GRM1: variants seen among roughly 807,000 people sequenced by gnomAD.
GRM1 encodes the protein glutamate metabotropic receptor 1.
GRM1 carries 33 observed loss-of-function variants against 90.9 expected under a neutral mutation model. The observed-to-expected ratio is 0.36, with a 90% CI of 0.28 to 0.49. The LOEUF (loss-of-function observed/expected upper bound fraction) is 0.49. Among genes scored for constraint, GRM1 ranks in the 20% least tolerant of loss-of-function variants. The pLI, the probability that GRM1 is intolerant of heterozygous loss-of-function variation, is 0.99. For synonymous variants in GRM1, 700 were observed against 613.2 expected (o/e 1.14, Z -2.09); for missense variants, 1,190 against 1,534.3 (o/e 0.78, Z 3.75).
rs550841121 is a variant in GRM1 at position 146,082,842 on chromosome 6, A to G, written c.700+52625A>G. ...TACTTCGGGCAGTATGGCCATTTTC[A>G]TGATACTGATTCTTCCTATCCATGA... On this transcript the variant is annotated intron_variant, in intron 1 of 7. Coordinates refer to ENST00000282753, the MANE Select transcript of GRM1 (RefSeq NM_001278064.2). Among the ~76,000 whole-genome samples the G allele has an allele frequency of 2.0e-5, 3 of 152,302 alleles. No homozygotes were observed. The Middle Eastern group carries it at 0.01, about 518-fold the overall frequency.
chr6:146,434,399 G>C lies in GRM1; in HGVS notation c.3188G>C (p.Arg1063Pro), dbSNP rs200986171. The C allele has an allele frequency of 8.1e-5, 131 of 1,613,378 alleles. 1 individual carries two copies. In the East Asian group the frequency reaches 2.4e-3, roughly 30 times the overall value. ...AGPGGPGNGL[R>P]SLYPPPPPPQ... ...CCCGGTGGTCCCGGGAACGGGCTGC[G>C]GTCCCTGTACCCGCCCCCGCCACCT... is the stretch of plus-strand genomic sequence containing the variant. Residue 1063 changes from arginine to proline, a missense_variant, in exon 8 of 8, where the codon CGG becomes CCG. Arg to Pro is a moderately radical substitution (Grantham distance 103). This residue lies in a region of GRM1 where 400 missense variants were observed against 360.8 expected (regional missense o/e 1.11). Coordinates refer to ENST00000282753, the MANE Select transcript of GRM1 (RefSeq NM_001278064.2).
chr6:146,357,588 C>A lies in GRM1; in HGVS notation c.1496C>A (p.Thr499Asn), dbSNP rs1264354703. 4 of 1,613,550 alleles carry A rather than the reference C, an allele frequency of 2.5e-6. No individual in the cohort carries two copies. Among genetic ancestry groups the A allele is most frequent in the Non-Finnish European group, 3.4e-6 (4 of 1,179,486 alleles). Residue 499 changes from threonine (T) to asparagine (N), a missense_variant, in exon 5 of 8, where the codon ACC becomes AAC. Physicochemically the swap from Thr to Asn is moderately conservative, Grantham distance 65. Coordinates refer to ENST00000282753, the MANE Select transcript of GRM1 (RefSeq NM_001278064.2). ...ANRYDYVHVG[T>N]WHEGVLNIDD... is the part of the protein sequence containing the mutation. ...CGCTATGACTATGTGCACGTTGGAACCTGGCATGAAGGAGTGCTGAACATT... is the reference window on the plus strand; with the variant it reads ...CGCTATGACTATGTGCACGTTGGAAACTGGCATGAAGGAGTGCTGAACATT...
chr6:146,276,175 A>G (rs1227257613), intron 2 of GRM1, among the ~76,000 whole-genome samples: 1 of 152,160 alleles, frequency 6.6e-6, no homozygotes, highest in African/African-American at 2.4e-5. Flanking sequence ...TTTTAAGCCC[A>G]TTATTTGTGG....
chr6:146,035,300 G>C (rs1241237429), intron 1 of GRM1, among the ~76,000 whole-genome samples: 1 of 151,966 alleles, frequency 6.6e-6, no homozygotes, highest in East Asian at 1.9e-4. Context: ...AAAGAGTTTT[G>C]GTTTCAAGAA....
chr6:146,261,321 A>G (rs1781687290), intron 2 of GRM1, among the ~76,000 whole-genome samples: 2 of 152,092 alleles, frequency 1.3e-5, no homozygotes, highest in South Asian at 4.1e-4. Flanking sequence ...AATGAGTAGG[A>G]AAGGAGGGTA....
At chr6:146,359,814 G>C (rs980586066) in intron 5 of GRM1, among the ~76,000 whole-genome samples, 6 of 152,158 alleles carry the variant, frequency 3.9e-5, no homozygotes, top group Admixed American at 1.3e-4. Context: ...AGAAGTTGTT[G>C]CTGAGCCATT....
chr6:146,038,263 A>G (rs1790964581), intron 1 of GRM1, among the ~76,000 whole-genome samples: 1 of 151,950 alleles, frequency 6.6e-6, no homozygotes, highest in Non-Finnish European at 1.5e-5. Flanking sequence ...ACAAGTAACT[A>G]GAAGTGGTAT....
intron 1 of GRM1, among the ~76,000 whole-genome samples, chr6:146,103,020 G>A (rs1271466565): frequency 6.6e-6 from 1 of 152,156 alleles, no homozygotes; most frequent in East Asian, 1.9e-4. Flanking sequence ...TCTTGCTGCA[G>A]GGGTTTCTCT....
chr6:146,058,279 GT>G (rs1187642874), intron 1 of GRM1, among the ~76,000 whole-genome samples: 1 of 152,098 alleles, frequency 6.6e-6, no homozygotes, highest in East Asian at 1.9e-4. Context: ...CCTCAGAGAT[GT>G]TTTGGATTCA....
chr6:146,068,569 C>T (rs1482517583), intron 1 of GRM1, among the ~76,000 whole-genome samples: 1 of 152,148 alleles, frequency 6.6e-6, no homozygotes, highest in Non-Finnish European at 1.5e-5. Context: ...TGAGGAGGCT[C>T]CTTAAATTTC....
intron 1 of GRM1, among the ~76,000 whole-genome samples, chr6:146,124,002 A>C (rs1776103031): frequency 6.6e-6 from 1 of 152,230 alleles, no homozygotes; most frequent in Non-Finnish European, 1.5e-5. Flanking sequence ...GAATCAGCAT[A>C]GTCGAGTTTA....
intron 2 of GRM1, among the ~76,000 whole-genome samples, chr6:146,203,569 T>G (rs1779394637): frequency 6.6e-6 from 1 of 152,120 alleles, no homozygotes; most frequent in Non-Finnish European, 1.5e-5. Flanking sequence ...TCAGGGACAG[T>G]TTTATGCTCA....
intron 3 of GRM1, among the ~76,000 whole-genome samples, chr6:146,338,105 G>T (rs1056062103): frequency 3.3e-5 from 5 of 152,190 alleles, no homozygotes; most frequent in African/African-American, 9.7e-5. Context: ...GTTATGCAAT[G>T]CTAGAAATAT....
chr6:146,417,111 T>TCTG (rs1471847624), intron 7 of GRM1, among the ~76,000 whole-genome samples: 1 of 152,314 alleles, frequency 6.6e-6, no homozygotes, highest in East Asian at 1.9e-4. Context: ...GTTAAGACTC[T>TCTG]CTGCCTGGAT....
chr6:146,169,476 C>A (rs949748029), intron 2 of GRM1, among the ~76,000 whole-genome samples: 6 of 152,106 alleles, frequency 3.9e-5, no homozygotes, highest in African/African-American at 1.4e-4. Context: ...AGTCTTTCTC[C>A]CGCCTTAGAT....
intron 7 of GRM1, among the ~76,000 whole-genome samples, chr6:146,403,105 A>G (rs574488785): frequency 6.6e-6 from 1 of 152,308 alleles, no homozygotes; most frequent in African/African-American, 2.4e-5. Context: ...GCAATAGAAG[A>G]AAATGAAAAT....
chr6:146,357,066 T>C (rs890312513), intron 4 of GRM1, among the ~76,000 whole-genome samples: 6 of 152,242 alleles, frequency 3.9e-5, no homozygotes, highest in African/African-American at 1.2e-4. Flanking sequence ...TTTCTTGCTC[T>C]ATTAGCACCT....
chr6:146,379,044 A>C (rs2115116891), intron 5 of GRM1, among the ~76,000 whole-genome samples: 1 of 152,270 alleles, frequency 6.6e-6, no homozygotes. Flanking sequence ...ACCTAGTCTC[A>C]GGTATGTCTT....
chr6:146,379,987 TA>T, intron 5 of GRM1, among the ~76,000 whole-genome samples: 1 of 152,034 alleles, frequency 6.6e-6, no homozygotes, highest in East Asian at 2.0e-4. Context: ...CTGAGCCACC[TA>T]AAGCTGTGAG....
Sources: gnomAD v4.1 joint callset for allele counts (sites outside exome capture counted in the v4.1 genomes callset) on GRCh38, gnomAD v4.1.1 for gene constraint, gnomAD v4.1.1 regional missense constraint, MANE v1.5 for transcripts, NCBI Gene and HGNC (gene_info 2026-07-23, HGNC 2026-07-21) for gene names.